Variants in USP47 observed in about 807,000 individuals in gnomAD.
USP47 encodes ubiquitin specific peptidase 47.
USP47 carries 35 observed loss-of-function variants against 165.1 expected under a neutral mutation model. The observed-to-expected ratio is 0.21, with a 90% CI of 0.16 to 0.28. USP47 has a LOEUF of 0.28. USP47 is among the 10% of genes least tolerant of loss of function. USP47 has a pLI of 1.00. For missense variants in USP47, 1,277 were observed against 1,607.4 expected (o/e 0.79, Z 3.52); for synonymous variants, 531 against 544.5 (o/e 0.98, Z 0.35).
chr11:11,902,153 C>T (rs550496712), intron 5 of USP47, among the ~76,000 whole-genome samples: 17 of 152,148 alleles, frequency 1.1e-4, no homozygotes, highest in African/African-American at 3.9e-4. Flanking sequence ...TCCCTGATTG[C>T]GTCATTTAAC....
rs761104038 is a variant in USP47, at chr11:11,956,125, C to T, written c.4018C>T (p.Leu1340=). ...ATACTCACCTCGTAAAGAGAAAGCACTAAAAATATATCTGGATGGAGCACC... is the reference window on the plus strand; with the variant it reads ...ATACTCACCTCGTAAAGAGAAAGCATTAAAAATATATCTGGATGGAGCACC... ...VTYSPRKEKA[L]KIYLDGAPNK... The change falls in exon 28 of 28, where the codon CTA becomes TTA. Residue 1340 remains leucine (L), a synonymous_variant. Transcript: ENST00000527733. The T allele has an allele frequency of 3.7e-6, 6 of 1,613,734 alleles. No individual in the cohort carries two copies. The Admixed American group carries it at 8.3e-5, about 22-fold the overall frequency.
chr11:11,884,400 G>A lies in USP47; in HGVS notation c.244-67G>A, dbSNP rs931829367. On this transcript the variant is annotated intron_variant, in intron 2 of 27. Coordinates refer to ENST00000527733, the MANE Select transcript of USP47 (RefSeq NM_001282659.2). ...AAAAATACTATTTAAATGTAGATATGTATCTATTTACAGATTACTTATTTT... is the reference window on the plus strand; with the variant it reads ...AAAAATACTATTTAAATGTAGATATATATCTATTTACAGATTACTTATTTT... The A allele has an allele frequency of 2.5e-5, 27 of 1,101,892 alleles. No individual in the cohort carries two copies. The African/African-American group carries it at 4.1e-4, about 17-fold the overall frequency. The allele number at this position is 1,101,892 out of a possible 1,614,324, so 68.3% of individuals were successfully genotyped here. A position where few individuals can be genotyped will look rare whatever the true frequency, so the allele number is the denominator to read the frequency against.
chr11:11,929,616 G>T (rs747095956), intron 12 of USP47, 51 bp downstream of exon 12: 3 of 1,591,860 alleles, frequency 1.9e-6, no homozygotes, highest in Non-Finnish European at 8.6e-7. Context: ...GAGTAAGGAT[G>T]TTTCTAAACA....
intron 10 of USP47, among the ~76,000 whole-genome samples, chr11:11,922,237 A>G (rs186579113): frequency 4.6e-5 from 7 of 152,052 alleles, no homozygotes; most frequent in Middle Eastern, 6.8e-3. Flanking sequence ...AAAGACTATC[A>G]AGTTCTTAAG....
intron 25 of USP47, among the ~76,000 whole-genome samples, chr11:11,954,169 GAA>G (rs1315256656): frequency 4.6e-5 from 7 of 152,248 alleles, no homozygotes; most frequent in Middle Eastern, 3.4e-3. Flanking sequence ...AGAACTGCTT[GAA>G]CCCAGGAGGT....
At chr11:11,863,870 G>A (rs964589546) in intron 1 of USP47, among the ~76,000 whole-genome samples, 1 of 151,928 alleles carries the variant, frequency 6.6e-6, no homozygotes, top group African/African-American at 2.4e-5. Context: ...TTATTTTCTG[G>A]CAGTACAAGG....
chr11:11,897,748 C>A, intron 5 of USP47, 55 bp downstream of exon 5: 2 of 1,255,040 alleles, frequency 1.6e-6, no homozygotes, highest in South Asian at 1.4e-5. Context: ...GAAAATATCA[C>A]TTTTAACAAA....
intron 1 of USP47, among the ~76,000 whole-genome samples, chr11:11,843,567 T>A (rs1035586574): frequency 6.6e-6 from 1 of 152,224 alleles, no homozygotes; most frequent in Non-Finnish European, 1.5e-5. Context: ...AAGTGATAGG[T>A]GCTGTAAGAA....
chr11:11,912,652 A>G (rs1834852658), intron 8 of USP47, among the ~76,000 whole-genome samples: 1 of 152,108 alleles, frequency 6.6e-6, no homozygotes, highest in South Asian at 2.1e-4. Flanking sequence ...AAAAAAAAGA[A>G]AGGAAGAGGA....
intron 1 of USP47, among the ~76,000 whole-genome samples, chr11:11,860,882 G>A (rs968814524): frequency 2.0e-5 from 3 of 152,240 alleles, no homozygotes; most frequent in Non-Finnish European, 4.4e-5. Flanking sequence ...AGAGTATTAG[G>A]ATAAAAGTGA....
rs1055276380 is a variant in USP47 at position 11,842,067 on chromosome 11, T to C, written c.-119T>C. On this transcript the variant is annotated 5_prime_UTR_variant, in exon 1 of 28. Coordinates refer to ENST00000527733, the MANE Select transcript of USP47 (RefSeq NM_001282659.2). Reference sequence around the variant, plus strand: ...GAGGCCCAGGCTGAGGCCTCCGCTATTGCTGGAGCGCAGGCGGCGGAGAGG... The same window carrying C: ...GAGGCCCAGGCTGAGGCCTCCGCTACTGCTGGAGCGCAGGCGGCGGAGAGG... 1 of 1,308,322 alleles carries C rather than the reference T, an allele frequency of 7.6e-7. No individual in the cohort carries two copies. The highest frequency in any genetic ancestry group is 1.1e-6 in the Non-Finnish European group (1 of 948,418). The allele number at this position is 1,308,322 out of a possible 1,614,324, so 81.0% of individuals were successfully genotyped here.
Position 11,959,348 on chromosome 11 carries a change from A to G in USP47, c.*3173A>G, listed in dbSNP as rs1174860845. ...TAACAATTCTGTGTAATTTTTGAAA[A>G]ACATCAACATTTTGGTCACTAGTAG... On this transcript the variant is annotated 3_prime_UTR_variant, in exon 28 of 28. Coordinates refer to ENST00000527733, the MANE Select transcript of USP47 (RefSeq NM_001282659.2). 1 of 152,208 alleles carries G rather than the reference A, an allele frequency of 6.6e-6. No individual in the cohort carries two copies. Among genetic ancestry groups the G allele is most frequent in the Admixed American group, 6.5e-5 (1 of 15,282 alleles). The allele number at this position is 152,208 out of a possible 1,614,324, so 9.4% of individuals were successfully genotyped here. A position where few individuals can be genotyped will look rare whatever the true frequency, so the allele number is the denominator to read the frequency against.
At chr11:11,897,520 G>A in intron 4 of USP47, 77 bp from the exon 5 acceptor site, 2 of 1,086,560 alleles carry the variant, frequency 1.8e-6, no homozygotes, top group South Asian at 3.7e-5. Flanking sequence ...TCTTTACTGT[G>A]AATTAAATTC....
intron 2 of USP47, 129 bp from the exon 3 acceptor site, chr11:11,884,338 A>G: frequency 1.5e-6 from 1 of 661,070 alleles, no homozygotes; most frequent in Non-Finnish European, 2.4e-6. Flanking sequence ...GTTAATTCCA[A>G]GCCTAGATGA....
chr11:11,872,792 T>G (rs1037117675), intron 1 of USP47, among the ~76,000 whole-genome samples: 3 of 152,234 alleles, frequency 2.0e-5, no homozygotes, highest in African/African-American at 7.2e-5. Context: ...ATTCTTTCTT[T>G]GAGAAATTAT....
chr11:11,849,892 G>T lies in USP47; in HGVS notation c.39+7668G>T, dbSNP rs147087431. ...CTTGTTTTATGGATAGTTTGGCTGGGCAGAGAACTCTGAGTCAGAAATAAT... is the reference window on the plus strand; with the variant it reads ...CTTGTTTTATGGATAGTTTGGCTGGTCAGAGAACTCTGAGTCAGAAATAAT... On this transcript the variant is annotated intron_variant, in intron 1 of 27. Coordinates refer to ENST00000527733, the MANE Select transcript of USP47 (RefSeq NM_001282659.2). Among the ~76,000 whole-genome samples the T allele has an allele frequency of 9.1e-3, 1,381 of 152,258 alleles. 27 individuals are homozygous for T. Among genetic ancestry groups the T allele is most frequent in the African/African-American group, 0.032 (1,322 of 41,538 alleles).
chr11:11,867,179 G>A (rs1849738196), intron 1 of USP47, among the ~76,000 whole-genome samples: 1 of 152,200 alleles, frequency 6.6e-6, no homozygotes, highest in Non-Finnish European at 1.5e-5. Context: ...TTATAGGCGT[G>A]AGCCGCTGTG....
chr11:11,926,808 GTCT>G (rs1178245007), intron 11 of USP47, among the ~76,000 whole-genome samples: 2 of 144,166 alleles, frequency 1.4e-5, no homozygotes, highest in Non-Finnish European at 3.1e-5. Context: ...GATTTGAGAT[GTCT>G]TCTTTTTTTT....
At chr11:11,873,605 C>A (rs1450550809) in intron 1 of USP47, among the ~76,000 whole-genome samples, 1 of 152,010 alleles carries the variant, frequency 6.6e-6, no homozygotes, top group Non-Finnish European at 1.5e-5. Context: ...TTATCTTATT[C>A]TTTATCACCT....
Sources: allele counts gnomAD v4.1 joint callset (sites outside exome capture counted in the v4.1 genomes callset), GRCh38; gene constraint gnomAD v4.1.1; transcripts MANE v1.5; gene names NCBI Gene and HGNC (gene_info 2026-07-23, HGNC 2026-07-21).